VNN2: variants seen among roughly 807,000 people sequenced by gnomAD.
VNN2 encodes pantetheine hydrolase VNN2.
In VNN2, 43 loss-of-function variants were observed where a neutral mutation model predicts 43.0. The observed-to-expected ratio is 1.00, with a 90% CI of 0.78 to 1.29. The LOEUF (loss-of-function observed/expected upper bound fraction) is 1.29, where lower values mean the gene tolerates loss of function less well. Ranked by LOEUF, VNN2 falls within the 50% of genes most tolerant of loss-of-function variation. The pLI, the probability that VNN2 is intolerant of heterozygous loss-of-function variation, is 0.00. For synonymous variants in VNN2, 230 were observed against 224.3 expected (o/e 1.03, Z -0.23); for missense variants, 652 against 619.7 (o/e 1.05, Z -0.55).
At position 132,744,390 on chromosome 6, in the gene VNN2, G is replaced by T; in HGVS notation, c.1473C>A (p.Ser491Arg). 1 of 1,613,752 alleles carries T rather than the reference G, an allele frequency of 6.2e-7. No individual in the cohort carries two copies. ...GRWYTKDSLY[S>R]SCGTSNSAIT... ...TTGCTGAATTGCTGGTCCCACATGA[G>T]CTGTAAAGTGAGTCCTTTGTGTACC... The change falls in exon 7 of 7, where the codon AGC (serine) becomes AGA (arginine). Residue 491 changes from serine (S) to arginine (R), a missense_variant. By Grantham distance (110) the Ser-to-Arg change is moderately radical. Transcript: ENST00000326499.
Position 132,757,662 on chromosome 6 carries a change from A to T in VNN2, c.213+9T>A. 6.2e-7 allele frequency: 1 copy of T among 1,613,166 alleles called. No homozygotes were observed. Among genetic ancestry groups the T allele is most frequent in the Non-Finnish European group, 8.5e-7 (1 of 1,179,178 alleles). ...GTGTACATTATGATTAACAGAAATA[A>T]GAGAATACCTGCTCAGCTGCCTGCT... On this transcript the variant is annotated intron_variant, in intron 1 of 6. Coordinates refer to ENST00000326499, the MANE Select transcript of VNN2 (RefSeq NM_004665.6).
At chr6:132,747,728 C>T (rs916418696) in intron 6 of VNN2, among the ~76,000 whole-genome samples, 4 of 152,208 alleles carry the variant, frequency 2.6e-5, no homozygotes, top group Non-Finnish European at 5.9e-5. Context: ...TTCTCTAACT[C>T]TTCTTAACTG....
Position 132,751,365 on chromosome 6 carries a change from A to ATGG in VNN2, c.977_979dup (p.Thr326dup). 1 of 1,614,172 alleles carries ATGG rather than the reference A, an allele frequency of 6.2e-7. No homozygotes were observed. Among genetic ancestry groups the ATGG allele is most frequent in the Non-Finnish European group, 8.5e-7 (1 of 1,180,018 alleles). On this transcript the variant is annotated inframe_insertion, in exon 5 of 7. Coordinates refer to ENST00000326499, the MANE Select transcript of VNN2 (RefSeq NM_004665.6). ...GTTTTTCTGTACTGGAAATGGTTTG[A>ATGG]TGGTGGTGGCGTAGGCATTCCAATT... is the stretch of plus-strand genomic sequence containing the variant.
chr6:132,752,386 T>C (rs1483464008), intron 4 of VNN2, 75 bp downstream of exon 4: 23 of 1,488,978 alleles, frequency 1.5e-5, no homozygotes, highest in Non-Finnish European at 2.0e-5. Context: ...AAAAAATTAA[T>C]ACAAGTCATA....
At chr6:132,753,433 G>A (rs570987479) in intron 3 of VNN2, 1 of 443,230 alleles carries the variant, frequency 2.3e-6, no homozygotes, top group South Asian at 1.6e-5. Flanking sequence ...AGTCAGGTGA[G>A]AGATGTCATC....
chr6:132,752,866 G>C lies in VNN2; in HGVS notation c.538-117C>G, dbSNP rs1463534619. 3 of 1,147,680 alleles carry C rather than the reference G, an allele frequency of 2.6e-6. No homozygotes were observed. In the African/African-American group the frequency reaches 4.7e-5, roughly 18 times the overall value. 71.1% of individuals were successfully genotyped at this position (1,147,680 alleles called of 1,614,324 possible). A position where few individuals can be genotyped will look rare whatever the true frequency, so the allele number is the denominator to read the frequency against. On this transcript the variant is annotated intron_variant, in intron 3 of 6. Coordinates refer to ENST00000326499, the MANE Select transcript of VNN2 (RefSeq NM_004665.6). ...ATGGTCAACTGCAGGGAATCTCCTA[G>C]GAAGCGGATAAATCTGGCAATTGGA...
chr6:132,750,497 G>GTGTATGTATATATGTGTATATATATATA lies in VNN2; in HGVS notation c.1201-633_1201-632insTATATATATATACACATATATACATACA. 3.4e-3 allele frequency among the ~76,000 whole-genome samples: 357 copies of GTGTATGTATATATGTGTATATATATATA among 103,652 alleles called. 17 individuals carry two copies. The highest frequency in any genetic ancestry group is 7.0e-3 in the South Asian group (21 of 2,980). 68.0% of individuals were successfully genotyped at this position (103,652 alleles called of 152,430 possible). A position where few individuals can be genotyped will look rare whatever the true frequency, so the allele number is the denominator to read the frequency against. ...TCTACTAAAAATATTTTGTATATGTGTATATATATATATATATTTTTCCAG... is the reference window on the plus strand; with the variant it reads ...TCTACTAAAAATATTTTGTATATGTGTGTATGTATATATGTGTATATATATATATATATATATATATATATTTTTCCAG... On this transcript the variant is annotated intron_variant, in intron 5 of 6. Coordinates refer to ENST00000326499, the MANE Select transcript of VNN2 (RefSeq NM_004665.6).
chr6:132,747,076 G>A (rs893008571), intron 6 of VNN2, among the ~76,000 whole-genome samples: 1 of 152,116 alleles, frequency 6.6e-6, no homozygotes, highest in Non-Finnish European at 1.5e-5. Context: ...TCTGGAGCAG[G>A]TAAGACAAGA....
At chr6:132,759,076 T>A (rs1780663711), upstream of VNN2, among the ~76,000 whole-genome samples, 1 of 152,074 alleles carries the variant, frequency 6.6e-6, no homozygotes. Context: ...AGATCATCTG[T>A]GTTGTAATAA....
Position 132,752,684 on chromosome 6 carries a change from G to A in VNN2, c.603C>T (p.Thr201=), listed in dbSNP as rs141716354. 15 of 1,614,004 alleles carry A rather than the reference G, an allele frequency of 9.3e-6. No individual in the cohort carries two copies. In the African/African-American group the frequency reaches 1.2e-4, roughly 13 times the overall value. The change falls in exon 4 of 7, where the codon ACC becomes ACT. Residue 201 remains threonine (T), a synonymous_variant. Coordinates refer to ENST00000326499, the MANE Select transcript of VNN2 (RefSeq NM_004665.6). ...TGAAAATGCCAAACCTTCCAAATGC[G>A]GTGTTGAAAGTCACCAACTCCGGCT... ...PEKPELVTFN[T]AFGRFGIFTC... is the part of the protein sequence containing the mutation.
chr6:132,756,183 A>C (rs1034256351), intron 2 of VNN2, 148 bp from the exon 3 acceptor site: 1 of 751,156 alleles, frequency 1.3e-6, no homozygotes, highest in Admixed American at 3.0e-5. Context: ...AAAGCCACAG[A>C]TGATTATACA....
intron 6 of VNN2, 114 bp downstream of exon 6, chr6:132,749,581 G>A: frequency 8.9e-7 from 1 of 1,123,140 alleles, no homozygotes. Context: ...TAAAGAAATG[G>A]TTTTGAGGAA....
intron 3 of VNN2, among the ~76,000 whole-genome samples, chr6:132,755,106 G>T (rs1272638068): frequency 6.6e-6 from 1 of 152,188 alleles, no homozygotes; most frequent in Non-Finnish European, 1.5e-5. Flanking sequence ...GGAGTTTGAG[G>T]TTAACAGTGA....
At chr6:132,757,615 T>C in intron 1 of VNN2, 56 bp downstream of exon 1, 1 of 1,607,508 alleles carries the variant, frequency 6.2e-7, no homozygotes, top group Non-Finnish European at 8.5e-7. Flanking sequence ...TCTCTCGTCT[T>C]CCACCAGCTC....
intron 6 of VNN2, among the ~76,000 whole-genome samples, chr6:132,745,027 A>T (rs973362609): frequency 2.0e-5 from 3 of 152,182 alleles, no homozygotes; most frequent in African/African-American, 4.8e-5. Flanking sequence ...ACATTGTGGG[A>T]AGTGGACATT....
Position 132,744,328 on chromosome 6 carries a change from A to G in VNN2, c.1535T>C (p.Ile512Thr), listed in dbSNP as rs773130740. Residue 512 changes from isoleucine (I) to threonine (T), a missense_variant, in exon 7 of 7, where the codon ATA becomes ACA. Physicochemically the swap from Ile to Thr is moderately conservative, Grantham distance 89. Coordinates refer to ENST00000326499, the MANE Select transcript of VNN2 (RefSeq NM_004665.6). ...YLLIFILLMI[I>T]ALQNIVML is the part of the protein sequence containing the mutation. The stretch of plus-strand genomic sequence containing the variant: ...TAACATTACAATATTTTGCAAAGCT[A>G]TGATCATTAATAATATGAATATTAG... The G allele has an allele frequency of 3.7e-5, 60 of 1,612,868 alleles. 1 individual carries two copies. In the South Asian group the frequency reaches 6.2e-4, roughly 17 times the overall value.
intron 3 of VNN2, among the ~76,000 whole-genome samples, chr6:132,754,510 A>G (rs1472400094): frequency 6.6e-6 from 1 of 152,232 alleles, no homozygotes; most frequent in Admixed American, 6.5e-5. Flanking sequence ...TTATATTTTA[A>G]CTGAGACTGC....
At chr6:132,749,010 C>T (rs1468313395) in intron 6 of VNN2, among the ~76,000 whole-genome samples, 1 of 152,206 alleles carries the variant, frequency 6.6e-6, no homozygotes, top group Non-Finnish European at 1.5e-5. Flanking sequence ...TATAAACAAA[C>T]ATTCTTCAAT....
Position 132,752,604 on chromosome 6 carries a change from T to C in VNN2, c.683A>G (p.His228Arg), listed in dbSNP as rs1215580674. ...TGTGGGAAACAGTATGGTGTCCACATGGAAATCTTTCACCAGGGTAACACC... is the reference window on the plus strand; with the variant it reads ...TGTGGGAAACAGTATGGTGTCCACACGGAAATCTTTCACCAGGGTAACACC... ...DPGVTLVKDF[H>R]VDTILFPTAW... The change falls in exon 4 of 7, where the codon CAT becomes CGT. Residue 228 changes from histidine (H) to arginine (R), a missense_variant. Physicochemically the swap from His to Arg is conservative, Grantham distance 29 (BLOSUM62 0). Transcript: ENST00000326499. The C allele has an allele frequency of 6.2e-7, 1 of 1,614,016 alleles. No individual in the cohort carries two copies. The highest frequency in any genetic ancestry group is 1.3e-5 in the African/African-American group (1 of 74,906).
Sources: gnomAD v4.1 joint callset for allele counts (sites outside exome capture counted in the v4.1 genomes callset) on GRCh38, gnomAD v4.1.1 for gene constraint, MANE v1.5 for transcripts, NCBI Gene and HGNC (gene_info 2026-07-23, HGNC 2026-07-21) for gene names.